FREM1: variants seen among roughly 807,000 people sequenced by gnomAD.
The protein encoded by FREM1 is FRAS1 related extracellular matrix 1, also known as FRAS1-related extracellular matrix protein 1.
FREM1 carries 220 observed loss-of-function variants against 210.1 expected under a neutral mutation model. The ratio of observed to expected loss-of-function variants is 1.05; its 90% CI spans 0.94 to 1.17. FREM1 has a LOEUF of 1.17. Among genes scored for constraint, FREM1 ranks in the 50% most tolerant of loss-of-function variants. The pLI is 0.00. For missense variants in FREM1, 3,454 were observed against 2,675.5 expected (o/e 1.29, Z -6.42); for synonymous variants, 1,189 against 980.2 (o/e 1.21, Z -3.98).
chr9:14,807,884 C>A, intron 17 of FREM1, 56 bp downstream of exon 17: 2 of 1,192,586 alleles, frequency 1.7e-6, no homozygotes, highest in Admixed American at 3.9e-5. Flanking sequence ...TTCACTGAAC[C>A]ACAGGTATGA....
intron 17 of FREM1, among the ~76,000 whole-genome samples, chr9:14,807,299 T>C (rs753856472): frequency 6.6e-6 from 1 of 152,256 alleles, no homozygotes; most frequent in Non-Finnish European, 1.5e-5. Context: ...GCCTGAGAGC[T>C]ATTATGAATT....
At position 14,851,153 on chromosome 9, in the gene FREM1, T is replaced by C. The variant is rs1827666161; in HGVS notation, c.1152+131A>G. 7.1e-6 allele frequency: 5 copies of C among 702,622 alleles called. No homozygotes were observed. In the Admixed American group the frequency reaches 1.2e-4, roughly 17 times the overall value. The allele number at this position is 702,622 out of a possible 1,614,324, so 43.5% of individuals were successfully genotyped here. ...GGCTCCTCTGGGCAGTGAGTGTGCA[T>C]CCTGATTTACAGTGATTGATTCTTT... On this transcript the variant is annotated intron_variant, in intron 6 of 36. Transcript: ENST00000380880.
intron 36 of FREM1, among the ~76,000 whole-genome samples, chr9:14,738,845 A>G (rs994104898): frequency 2.6e-5 from 4 of 151,824 alleles, no homozygotes; most frequent in African/African-American, 9.7e-5. Context: ...CCCCGTCTCT[A>G]CTAAAAATAC....
intron 2 of FREM1, among the ~76,000 whole-genome samples, chr9:14,865,094 T>G (rs561557894): frequency 1.0e-3 from 155 of 152,366 alleles, no homozygotes; most frequent in African/African-American, 3.4e-3. Flanking sequence ...CTGTCTAGCT[T>G]TGTTTTTTTC....
At position 14,737,474 on chromosome 9, in the gene FREM1, A is replaced by G; in HGVS notation, c.6462T>C (p.Val2154=). Reference sequence around the variant, plus strand: ...TTGTTTGCCATTTCCCTTGTCTTTGAACCAAAACACAGCTCTTTCCAAGCT... The same window carrying G: ...TTGTTTGCCATTTCCCTTGTCTTTGGACCAAAACACAGCTCTTTCCAAGCT... The part of the protein sequence containing the change: ...RSKLGKSCVL[V]QRQGKWQTKD... The change falls in exon 37 of 37, where the codon GTT becomes GTC. Residue 2154 remains valine (V), a synonymous_variant. Transcript: ENST00000380880. The G allele has an allele frequency of 6.2e-7, 1 of 1,613,794 alleles. No individual in the cohort carries two copies. Among genetic ancestry groups the G allele is most frequent in the South Asian group, 1.1e-5 (1 of 91,058 alleles).
intron 1 of FREM1, among the ~76,000 whole-genome samples, chr9:14,874,191 G>C (rs79743469): frequency 0.22 from 33,891 of 151,982 alleles, 4,416 homozygotes; most frequent in East Asian, 0.58. Flanking sequence ...GGTCTGCTTG[G>C]TGCAGAGGTG....
chr9:14,811,589 A>G (rs1433895037), intron 16 of FREM1, among the ~76,000 whole-genome samples: 1 of 152,186 alleles, frequency 6.6e-6, no homozygotes, highest in Non-Finnish European at 1.5e-5. Context: ...AAGACTAAAC[A>G]CAGATAAGAG....
intron 1 of FREM1, among the ~76,000 whole-genome samples, chr9:14,880,457 A>G (rs1834583407): frequency 6.6e-6 from 1 of 152,030 alleles, no homozygotes; most frequent in Non-Finnish European, 1.5e-5. Context: ...TACAAAAGTT[A>G]GCAGGGCCTG....
chr9:14,805,836 G>T (rs1818248020), intron 18 of FREM1, among the ~76,000 whole-genome samples: 1 of 152,108 alleles, frequency 6.6e-6, no homozygotes, highest in South Asian at 2.1e-4. Flanking sequence ...GTTTTGGTTG[G>T]TCTGTTTTTG....
chr9:14,851,542 T>C lies in FREM1; in HGVS notation c.894A>G (p.Ala298=). 1 of 1,613,962 alleles carries C rather than the reference T, an allele frequency of 6.2e-7. No homozygotes were observed. Among genetic ancestry groups the C allele is most frequent in the Non-Finnish European group, 8.5e-7 (1 of 1,179,856 alleles). ...AGIPNQIPKA[A]FMAVFILEVD... ...CTTCCAGAATAAACACGGCCATGAA[T>C]GCAGCCTTTGGAATCTGATTCGGAA... The change falls in exon 6 of 37, where the codon GCA becomes GCG. Residue 298 remains alanine, a synonymous_variant. Transcript: ENST00000380880.
chr9:14,858,400 A>T (rs2131542819), intron 4 of FREM1, among the ~76,000 whole-genome samples: 1 of 152,188 alleles, frequency 6.6e-6, no homozygotes, highest in South Asian at 2.1e-4. Flanking sequence ...AGGTCTTGCT[A>T]GGTTGCCCAG....
chr9:14,768,592 A>G (rs1302557991), intron 27 of FREM1, among the ~76,000 whole-genome samples: 3 of 152,092 alleles, frequency 2.0e-5, no homozygotes, highest in African/African-American at 7.2e-5. Context: ...AAGTCTGTGG[A>G]GTTAATAAAT....
chr9:14,774,056 G>A (rs754234376), intron 25 of FREM1: 2 of 512,084 alleles, frequency 3.9e-6, no homozygotes, highest in Non-Finnish European at 7.7e-6. Flanking sequence ...AATACAAAGT[G>A]CTTCTTACTG....
At chr9:14,844,430 G>A (rs1826238775) in intron 8 of FREM1, among the ~76,000 whole-genome samples, 1 of 151,976 alleles carries the variant, frequency 6.6e-6, no homozygotes, top group South Asian at 2.1e-4. Context: ...TCACCATGTC[G>A]GCCAGGCTGG....
chr9:14,758,262 C>G (rs1314142910), intron 28 of FREM1, among the ~76,000 whole-genome samples: 1 of 152,186 alleles, frequency 6.6e-6, no homozygotes, highest in African/African-American at 2.4e-5. Context: ...TTGTTGTGCA[C>G]TTTCAGCATA....
At chr9:14,812,092 A>G (rs1350589006) in intron 16 of FREM1, among the ~76,000 whole-genome samples, 3 of 152,106 alleles carry the variant, frequency 2.0e-5, no homozygotes, top group Non-Finnish European at 4.4e-5. Context: ...TTTGCATGCA[A>G]ATGGGTTTTG....
Position 14,792,789 on chromosome 9 carries a change from T to A in FREM1, c.3935A>T (p.Tyr1312Phe). 1 of 1,608,196 alleles carries A rather than the reference T, an allele frequency of 6.2e-7. No homozygotes were observed. Among genetic ancestry groups the A allele is most frequent in the Non-Finnish European group, 8.5e-7 (1 of 1,177,290 alleles). The change falls in exon 22 of 37, where the codon TAC becomes TTC. Residue 1312 changes from tyrosine (Y) to phenylalanine (F), a missense_variant. Physicochemically the swap from Tyr to Phe is conservative, Grantham distance 22. Transcript: ENST00000380880. ...IDEDSPREKI[Y>F]YVFERLPQNG... ...TTGGGGAAGCCTTTCAAATACATAG[T>A]AAATCTTCTCCCTGGGTGAGTCTTC...
At chr9:14,901,933 C>T (rs1838858379) in intron 1 of FREM1, among the ~76,000 whole-genome samples, 3 of 151,832 alleles carry the variant, frequency 2.0e-5, no homozygotes, top group African/African-American at 4.8e-5. Flanking sequence ...ATCACTGCAG[C>T]CTTGACCACT....
At chr9:14,765,159 AT>A (rs1428994367) in intron 27 of FREM1, among the ~76,000 whole-genome samples, 2 of 150,348 alleles carry the variant, frequency 1.3e-5, no homozygotes, top group Admixed American at 6.6e-5. Flanking sequence ...TTAAAAAAAT[AT>A]TTTTTCAAGT....
Sources: allele counts gnomAD v4.1 joint callset (sites outside exome capture counted in the v4.1 genomes callset), GRCh38; gene constraint gnomAD v4.1.1; transcripts MANE v1.5; gene names NCBI Gene and HGNC (gene_info 2026-07-23, HGNC 2026-07-21).